BBOX1: variants seen among roughly 807,000 people sequenced by gnomAD.
BBOX1 encodes gamma-butyrobetaine dioxygenase.
A neutral mutation model predicts 41.6 loss-of-function variants in BBOX1; 35 were observed. The ratio of observed to expected loss-of-function variants is 0.84; its 90% confidence interval spans 0.64 to 1.11. BBOX1 has a LOEUF of 1.11. Among genes scored for constraint, BBOX1 ranks in the 50% most tolerant of loss-of-function variants. The probability of loss-of-function intolerance (pLI) is 0.00; values close to 1 mark genes in which losing one functional copy is unlikely to be tolerated. For synonymous variants in BBOX1, 163 were observed against 154.7 expected (o/e 1.05, Z -0.40); for missense variants, 458 against 460.6 (o/e 0.99, Z 0.05).
chr11:27,075,620 C>G (rs573916661), intron 4 of BBOX1, among the ~76,000 whole-genome samples: 1 of 152,266 alleles, frequency 6.6e-6, no homozygotes, highest in South Asian at 2.1e-4. Context: ...TGACCCAGTG[C>G]TACAGCTATT....
intron 8 of BBOX1, 79 bp downstream of exon 8, chr11:27,125,899 A>G: frequency 6.9e-7 from 1 of 1,448,174 alleles, no homozygotes; most frequent in Non-Finnish European, 9.3e-7. Flanking sequence ...TATCCAGAGC[A>G]GTTTTTCTCA....
chr11:27,107,774 C>A (rs185751578), intron 5 of BBOX1, among the ~76,000 whole-genome samples: 1 of 152,174 alleles, frequency 6.6e-6, no homozygotes, highest in East Asian at 1.9e-4. Context: ...TGCTTAGCTG[C>A]AAGATCAGGC....
chr11:27,054,561 T>C (rs1213495806), intron 2 of BBOX1, among the ~76,000 whole-genome samples: 1 of 152,174 alleles, frequency 6.6e-6, no homozygotes, highest in Non-Finnish European at 1.5e-5. Context: ...TCTGTTTCAC[T>C]AAGTTTCCTC....
rs535992767 is a variant in BBOX1, at chr11:27,075,332, G to A, written c.335-17836G>A. On this transcript the variant is annotated intron_variant, in intron 4 of 8. Transcript: ENST00000263182. ...GACTAAGTTCACTGTCTCTTATGAG[G>A]TTGGAATAGCAGAGGTCTCTTTAAG... 2.8e-4 allele frequency among the ~76,000 whole-genome samples: 43 copies of A among 152,236 alleles called. 1 individual carries two copies. Among genetic ancestry groups the A allele is most frequent in the South Asian group, 2.1e-3 (10 of 4,830 alleles).
At chr11:27,127,151 A>G (rs1294274950) in intron 8 of BBOX1, 142 bp from the exon 9 acceptor site, 1 of 928,210 alleles carries the variant, frequency 1.1e-6, no homozygotes, top group Non-Finnish European at 1.6e-6. Context: ...GTGGAAAAGT[A>G]AATGTGCAGT....
chr11:27,052,144 CAA>C (rs1268175319), intron 2 of BBOX1, among the ~76,000 whole-genome samples: 1 of 151,908 alleles, frequency 6.6e-6, no homozygotes, highest in African/African-American at 2.4e-5. Flanking sequence ...GATTTGATGA[CAA>C]AGTCATTATC....
At chr11:27,054,234 T>TGTGTGTGTGTGTGTGTGTGTGTGTGC (rs1491475061) in intron 2 of BBOX1, among the ~76,000 whole-genome samples, 5 of 148,302 alleles carry the variant, frequency 3.4e-5, no homozygotes, top group East Asian at 4.1e-4. Context: ...TGTGTGTGTG[T>TGTGTGTGTGTGTGTGTGTGTGTGTGC]GCGTGCACAT....
intron 7 of BBOX1, among the ~76,000 whole-genome samples, chr11:27,122,785 T>C (rs2134111917): frequency 6.6e-6 from 1 of 151,180 alleles, no homozygotes; most frequent in South Asian, 2.1e-4. Flanking sequence ...AGTCCTTTCT[T>C]TGGTTTTTTT....
Position 27,056,927 on chromosome 11 carries a change from G to A in BBOX1, c.220-274G>A, listed in dbSNP as rs112423689. Among the ~76,000 whole-genome samples, 1,314 of 151,188 alleles carry A rather than the reference G, an allele frequency of 8.7e-3. 19 individuals are homozygous for A. The highest frequency in any genetic ancestry group is 0.028 in the African/African-American group (1,149 of 41,296). ...CTAAAATACAAAAAATTAGCCAGGC[G>A]TGGTGTCGCGTGCCTGTAATCCCAG... On this transcript the variant is annotated intron_variant, in intron 3 of 8. Transcript: ENST00000263182.
Position 27,119,795 on chromosome 11 carries a change from T to C in BBOX1, c.786T>C (p.Ile262=). Residue 262 remains isoleucine, a synonymous_variant, in exon 7 of 9, where the codon ATT becomes ATC. Coordinates refer to ENST00000263182, the MANE Select transcript of BBOX1 (RefSeq NM_003986.3). ...CTACCTTTGTGGACTTTACAGACATTGGAGTGGATTACTGTGATTTTTCTG... is the reference window on the plus strand; with the variant it reads ...CTACCTTTGTGGACTTTACAGACATCGGAGTGGATTACTGTGATTTTTCTG... ...LSSTFVDFTD[I]GVDYCDFSVQ... The C allele has an allele frequency of 6.3e-7, 1 of 1,590,994 alleles. No homozygotes were observed. The highest frequency in any genetic ancestry group is 8.5e-7 in the Non-Finnish European group (1 of 1,171,076).
At chr11:27,055,022 A>G (rs1038607554) in intron 2 of BBOX1, among the ~76,000 whole-genome samples, 1 of 152,170 alleles carries the variant, frequency 6.6e-6, no homozygotes, top group South Asian at 2.1e-4. Flanking sequence ...TGATTGTTAC[A>G]CTTTCAATTT....
At chr11:27,046,716 T>C (rs935705424) in intron 2 of BBOX1, among the ~76,000 whole-genome samples, 3 of 152,172 alleles carry the variant, frequency 2.0e-5, no homozygotes, top group African/African-American at 7.2e-5. Flanking sequence ...AGGAGCTATA[T>C]ATAGGAGCTA....
chr11:27,056,381 C>G (rs1473770194), intron 3 of BBOX1, among the ~76,000 whole-genome samples: 1 of 152,100 alleles, frequency 6.6e-6, no homozygotes, highest in Non-Finnish European at 1.5e-5. Context: ...CCTCAGCCTC[C>G]CAAGTAGCTG....
intron 4 of BBOX1, among the ~76,000 whole-genome samples, chr11:27,070,511 T>C (rs556322294): frequency 2.6e-5 from 4 of 152,290 alleles, no homozygotes; most frequent in African/African-American, 9.6e-5. Context: ...CATTGTATAA[T>C]GACCCTCTTT....
intron 4 of BBOX1, among the ~76,000 whole-genome samples, chr11:27,069,022 T>C (rs919977179): frequency 3.3e-5 from 5 of 152,094 alleles, no homozygotes; most frequent in East Asian, 1.9e-4. Context: ...TCAGATTTGC[T>C]CTTTTTTTTT....
At chr11:27,061,860 G>A (rs1407059636) in intron 4 of BBOX1, among the ~76,000 whole-genome samples, 4 of 152,122 alleles carry the variant, frequency 2.6e-5, no homozygotes, top group African/African-American at 9.7e-5. Flanking sequence ...CATATATTGG[G>A]TATCTATTTT....
chr11:27,051,929 A>T (rs907481913), intron 2 of BBOX1, among the ~76,000 whole-genome samples: 1 of 151,976 alleles, frequency 6.6e-6, no homozygotes, highest in Non-Finnish European at 1.5e-5. Context: ...ATTTATCACT[A>T]TTAACTTCCT....
chr11:27,055,778 G>A, intron 3 of BBOX1, 129 bp downstream of exon 3: 4 of 745,382 alleles, frequency 5.4e-6, no homozygotes, highest in Non-Finnish European at 8.5e-6. Context: ...CGTTTGTATA[G>A]TACTTGGTGC....
intron 4 of BBOX1, among the ~76,000 whole-genome samples, chr11:27,090,762 T>G (rs1294435073): frequency 1.3e-5 from 2 of 151,812 alleles, no homozygotes; most frequent in Non-Finnish European, 2.9e-5. Context: ...AGTCCTTATC[T>G]CAAACACATA....
Sources: allele counts gnomAD v4.1 joint callset (sites outside exome capture counted in the v4.1 genomes callset), GRCh38; gene constraint gnomAD v4.1.1; transcripts MANE v1.5; gene names NCBI Gene and HGNC (gene_info 2026-07-23, HGNC 2026-07-21).